TBC1D2B: variants seen among roughly 807,000 people sequenced by gnomAD.
TBC1D2B encodes the protein TBC1 domain family member 2B, also known as TBC1 domain family, member 2B.
In TBC1D2B, 64 loss-of-function variants were observed where a neutral mutation model predicts 100.8. That is an observed-to-expected ratio of 0.64 (90% CI 0.52 to 0.78). The LOEUF is 0.78. Among genes scored for constraint, TBC1D2B ranks in the 30% least tolerant of loss-of-function variants. The probability of loss-of-function intolerance (pLI) is 0.00; values close to 1 mark genes in which losing one functional copy is unlikely to be tolerated. For synonymous variants in TBC1D2B, 480 were observed against 479.7 expected, an observed-to-expected ratio of 1.00 and a Z score of -0.01; for missense variants, 1,052 against 1,218.4, an observed-to-expected ratio of 0.86 and a Z score of 2.03.
At chr15:78,050,435 G>A (rs1021195319) in intron 2 of TBC1D2B, among the ~76,000 whole-genome samples, 1 of 152,240 alleles carries the variant, frequency 6.6e-6, no homozygotes, top group African/African-American at 2.4e-5. Context: ...GCAGGGTGTT[G>A]TTATCCCTGG....
Position 77,995,172 on chromosome 15 carries a change from C to T in TBC1D2B, c.*2988G>A, listed in dbSNP as rs2071716585. ...AGTGGGTCTCTGTATGGCCTCCCAC[C>T]TGCAAGGACTTCCCCGGGCAGGCCC... On this transcript the variant is annotated 3_prime_UTR_variant, in exon 13 of 13. Transcript: ENST00000300584. 1 of 152,182 alleles carries T rather than the reference C, an allele frequency of 6.6e-6. No individual in the cohort carries two copies. The highest frequency in any genetic ancestry group is 2.4e-5 in the African/African-American group (1 of 41,432). 9.4% of individuals were successfully genotyped at this position (152,182 alleles called of 1,614,324 possible). A position where few individuals can be genotyped will look rare whatever the true frequency, so the allele number is the denominator to read the frequency against.
At chr15:78,036,248 T>A (rs1178711080) in intron 3 of TBC1D2B, among the ~76,000 whole-genome samples, 1 of 152,210 alleles carries the variant, frequency 6.6e-6, no homozygotes. Context: ...TTTTTCTTTT[T>A]ATACGCATGC....
chr15:78,003,557 AC>A, intron 10 of TBC1D2B, 67 bp from the exon 11 acceptor site: 2 of 1,280,652 alleles, frequency 1.6e-6, no homozygotes, highest in East Asian at 4.8e-5. Flanking sequence ...AGACGAGCAG[AC>A]GCGCAACCTG....
At chr15:78,054,276 C>T in intron 1 of TBC1D2B, 89 bp from the exon 2 acceptor site, 2 of 1,318,136 alleles carry the variant, frequency 1.5e-6, no homozygotes. Context: ...GACTGTTCAG[C>T]TTGCCATGTG....
intron 2 of TBC1D2B, among the ~76,000 whole-genome samples, chr15:78,045,387 G>A (rs532294491): frequency 9.2e-5 from 14 of 152,164 alleles, no homozygotes; most frequent in Middle Eastern, 6.8e-3. Flanking sequence ...CCATAAACCC[G>A]TCATCAAAGT....
At chr15:78,025,032 A>G (rs1463514493) in intron 5 of TBC1D2B, among the ~76,000 whole-genome samples, 2 of 151,992 alleles carry the variant, frequency 1.3e-5, no homozygotes, top group Non-Finnish European at 2.9e-5. Flanking sequence ...TCCTCCTTTG[A>G]GAGATCTTCA....
At chr15:78,007,807 C>G (rs541826333) in intron 10 of TBC1D2B, among the ~76,000 whole-genome samples, 1 of 152,168 alleles carries the variant, frequency 6.6e-6, no homozygotes. Flanking sequence ...CACAGAGGAC[C>G]CACCGGACAG....
chr15:78,061,086 A>C (rs373703810), intron 1 of TBC1D2B, among the ~76,000 whole-genome samples: 5 of 150,486 alleles, frequency 3.3e-5, no homozygotes, highest in South Asian at 2.1e-4. Context: ...TCTCTATTAG[A>C]AATATAAATT....
intron 1 of TBC1D2B, among the ~76,000 whole-genome samples, chr15:78,067,696 A>C (rs571567531): frequency 5.9e-5 from 9 of 152,328 alleles, no homozygotes; most frequent in African/African-American, 1.2e-4. Context: ...CAGAAAGAAG[A>C]AGCACACAGG....
chr15:78,009,377 CAAAA>C (rs991239121), intron 9 of TBC1D2B, among the ~76,000 whole-genome samples: 3 of 151,870 alleles, frequency 2.0e-5, no homozygotes, highest in African/African-American at 2.4e-5. Context: ...TCTAAAAAAA[CAAAA>C]AACCAAAAAT....
chr15:77,999,855 C>T (rs1023377109), intron 12 of TBC1D2B, among the ~76,000 whole-genome samples: 3 of 152,220 alleles, frequency 2.0e-5, no homozygotes, highest in African/African-American at 7.2e-5. Flanking sequence ...TGAGAAGGTG[C>T]CCCATGGTCA....
chr15:78,041,574 A>T (rs28519575), intron 3 of TBC1D2B, among the ~76,000 whole-genome samples: 9,622 of 152,302 alleles, frequency 0.063, 471 homozygotes, highest in African/African-American at 0.13. Context: ...TGAGTGCATT[A>T]AAAAATACAA....
At chr15:78,051,824 C>G (rs147877690) in intron 2 of TBC1D2B, among the ~76,000 whole-genome samples, 5 of 152,232 alleles carry the variant, frequency 3.3e-5, no homozygotes, top group African/African-American at 1.2e-4. Flanking sequence ...TTATCTCTGA[C>G]GATAAAACAA....
At chr15:78,007,402 G>T (rs2072096025) in intron 10 of TBC1D2B, among the ~76,000 whole-genome samples, 1 of 152,172 alleles carries the variant, frequency 6.6e-6, no homozygotes, top group Non-Finnish European at 1.5e-5. Flanking sequence ...ACAAAAAGGG[G>T]ACACAGATGT....
chr15:78,034,635 G>A (rs1193851842), intron 3 of TBC1D2B: 7 of 984,874 alleles, frequency 7.1e-6, no homozygotes, highest in Admixed American at 6.2e-5. Context: ...CTCCCACCGC[G>A]GTTTTGGGTT....
At chr15:78,011,644 GGTTTTTTTTTTTTT>G (rs2072231569) in intron 9 of TBC1D2B, among the ~76,000 whole-genome samples, 1 of 127,550 alleles carries the variant, frequency 7.8e-6, no homozygotes, top group Non-Finnish European at 1.6e-5. Flanking sequence ...CTAATTTTTT[GGTTTTTTTTTTTTT>G]TTTTTTTTTA....
chr15:78,047,740 C>T (rs772270357), intron 2 of TBC1D2B, among the ~76,000 whole-genome samples: 51 of 152,220 alleles, frequency 3.4e-4, no homozygotes, highest in Non-Finnish European at 6.6e-4. Flanking sequence ...ACACCTGCCC[C>T]TGCAGTATAC....
At chr15:78,037,349 A>T (rs1433433413) in intron 3 of TBC1D2B, among the ~76,000 whole-genome samples, 2 of 152,076 alleles carry the variant, frequency 1.3e-5, no homozygotes, top group Non-Finnish European at 1.5e-5. Context: ...TCCATCTCTC[A>T]AGCCCTTTAA....
At position 78,003,475 on chromosome 15, in the gene TBC1D2B, A is replaced by ACACCC; in HGVS notation, c.2399_2403dup (p.Phe802GlyfsTer7). 6.2e-7 allele frequency: 1 copy of ACACCC among 1,609,600 alleles called. No homozygotes were observed. The highest frequency in any genetic ancestry group is 8.5e-7 in the Non-Finnish European group (1 of 1,176,188). ...AGCTTCTCACTCATAAGGTCTCTGA[A>ACACCC]CACCCGCTGGTCCACCTGGAGAGGG... On this transcript the variant is annotated frameshift_variant, in exon 11 of 13. Transcript: ENST00000300584. LOFTEE classifies it high-confidence loss of function.
Sources: gnomAD v4.1 joint callset for allele counts (sites outside exome capture counted in the v4.1 genomes callset) on GRCh38, gnomAD v4.1.1 for gene constraint, MANE v1.5 for transcripts, NCBI Gene and HGNC (gene_info 2026-07-23, HGNC 2026-07-21) for gene names.